The following CHERP variants were observed in gnomAD, a reference collection of about 807,000 sequenced individuals.
CHERP encodes the protein ERPROT 213-21.
Under a neutral mutation model 113.8 loss-of-function variants are expected in CHERP, and 8 were observed. The observed-to-expected ratio is 0.07, with a 90% CI of 0.04 to 0.13. The LOEUF (loss-of-function observed/expected upper bound fraction) is 0.13, where lower values mean the gene tolerates loss of function less well. Ranked by LOEUF, CHERP falls within the 10% of genes least tolerant of loss-of-function variation. CHERP has a pLI of 1.00. For missense variants in CHERP, 884 were observed against 1,298.2 expected, an observed-to-expected ratio of 0.68 and a Z score of 4.90; for synonymous variants, 559 against 524.5, an observed-to-expected ratio of 1.07 and a Z score of -0.90.
chr19:16,541,079 G>A (rs914249279), intron 2 of CHERP: 2 of 151,970 alleles, frequency 1.3e-5, no homozygotes, highest in African/African-American at 2.4e-5. Flanking sequence ...CAAGACGAGC[G>A]TGTAGTCCCC....
Position 16,525,282 on chromosome 19 carries a change from A to G in CHERP, c.1701T>C (p.Tyr567=). 1 of 1,444,840 alleles carries G rather than the reference A, an allele frequency of 6.9e-7. No individual in the cohort carries two copies. Among genetic ancestry groups the G allele is most frequent in the Non-Finnish European group, 9.1e-7 (1 of 1,097,148 alleles). The allele number at this position is 1,444,840 out of a possible 1,614,324, so 89.5% of individuals were successfully genotyped here. ...PPRHPFERPP[Y]PHRFDYPQGD... ...CCTGGGGGTAGTCGAAGCGGTGGGG[A>G]TAGGGCGGCCGCTCGAAGGGGTGCC... is the stretch of plus-strand genomic sequence containing the variant. Residue 567 remains tyrosine, a synonymous_variant, in exon 10 of 17, where the codon TAT becomes TAC. Coordinates refer to ENST00000546361, the MANE Select transcript of CHERP (RefSeq NM_006387.6). The surrounding 1 kb of genome is among the most constrained non-coding windows in gnomAD (Gnocchi z 6.5).
chr19:16,521,752 C>T (rs2085617556), intron 11 of CHERP, 98 bp from the exon 12 acceptor site: 1 of 1,213,174 alleles, frequency 8.2e-7, no homozygotes, highest in Admixed American at 3.3e-5. Flanking sequence ...GGCCCAGGTT[C>T]AGTGTCAAGG....
Position 16,525,211 on chromosome 19 carries a change from C to T in CHERP, c.1741+31G>A. Reference sequence around the variant, plus strand: ...GGCAGGCGAGCCGTGGATGCCTCCGCCAGGCCCTACCCAGGCGCCCGTACA... The same window carrying T: ...GGCAGGCGAGCCGTGGATGCCTCCGTCAGGCCCTACCCAGGCGCCCGTACA... On this transcript the variant is annotated intron_variant, in intron 10 of 16. Transcript: ENST00000546361. This position sits in a 1 kb window ranked among gnomAD's most constrained non-coding sequence, Gnocchi z 6.5. 7.1e-7 allele frequency: 1 copy of T among 1,402,158 alleles called. No homozygotes were observed. The highest frequency in any genetic ancestry group is 1.5e-5 in the African/African-American group (1 of 65,900). The allele number at this position is 1,402,158 out of a possible 1,614,324, so 86.9% of individuals were successfully genotyped here. A position where few individuals can be genotyped will look rare whatever the true frequency, so the allele number is the denominator to read the frequency against.
Position 16,530,651 on chromosome 19 carries a change from G to A in CHERP, c.810C>T (p.Asn270=), listed in dbSNP as rs750490613. 126 of 1,613,968 alleles carry A rather than the reference G, an allele frequency of 7.8e-5. No homozygotes were observed. The highest frequency in any genetic ancestry group is 1.3e-4 in the East Asian group (6 of 44,894). The stretch of plus-strand genomic sequence containing the variant: ...GAATGATGGAGTCATCGAAGTAGCC[G>A]TTTTTCTCCCAGAGCTGCAGGAGCT... The part of the protein sequence containing the change: ...IARLLQLWEK[N]GYFDDSIIQQ... Residue 270 remains asparagine (N), a synonymous_variant, in exon 7 of 17, where the codon AAC becomes AAT. Transcript: ENST00000546361. This position sits in a 1 kb window ranked among gnomAD's most constrained non-coding sequence, Gnocchi z 4.1.
chr19:16,538,513 T>A (rs979114017), intron 2 of CHERP, among the ~76,000 whole-genome samples: 3 of 152,144 alleles, frequency 2.0e-5, no homozygotes, highest in Non-Finnish European at 4.4e-5. Flanking sequence ...TGAAACCACA[T>A]CTCTACTAAA....
At position 16,530,700 on chromosome 19, in the gene CHERP, G is replaced by A. The variant is rs573012565; in HGVS notation, c.787-26C>T. 5.5e-5 allele frequency: 89 copies of A among 1,613,942 alleles called. No homozygotes were observed. The South Asian group carries it at 7.1e-4, about 13-fold the overall frequency. ...CTGGCGGTGGGAGGAGAGAGAGGCC[G>A]GGTCAGTGGGGAGGGGAAAGGCCTG... On this transcript the variant is annotated intron_variant, in intron 6 of 16. Coordinates refer to ENST00000546361, the MANE Select transcript of CHERP (RefSeq NM_006387.6). This position sits in a 1 kb window ranked among gnomAD's most constrained non-coding sequence, Gnocchi z 4.1.
chr19:16,539,117 C>CTTG (rs1367423099), intron 2 of CHERP, among the ~76,000 whole-genome samples: 1 of 150,508 alleles, frequency 6.6e-6, no homozygotes, highest in Non-Finnish European at 1.5e-5. Context: ...GTTTAAAACT[C>CTTG]TTGTGGCTTC....
chr19:16,529,959 G>C, intron 7 of CHERP, 59 bp from the exon 8 acceptor site: 1 of 1,556,942 alleles, frequency 6.4e-7, no homozygotes, highest in Non-Finnish European at 8.7e-7. Context: ...GCTGCCTGGC[G>C]CCAGAGGACA....
chr19:16,523,025 A>G lies in CHERP; in HGVS notation c.1980+27T>C. Reference sequence around the variant, plus strand: ...GGGGACCAGTATGGTAAGCGTGCTCAGCTTGGAGCCCACTGTGGGGCATTA... The same window carrying G: ...GGGGACCAGTATGGTAAGCGTGCTCGGCTTGGAGCCCACTGTGGGGCATTA... On this transcript the variant is annotated intron_variant, in intron 11 of 16. Transcript: ENST00000546361. This position sits in a 1 kb window ranked among gnomAD's most constrained non-coding sequence, Gnocchi z 4.0. The G allele has an allele frequency of 6.7e-7, 1 of 1,492,470 alleles. No homozygotes were observed. The highest frequency in any genetic ancestry group is 1.4e-5 in the South Asian group (1 of 73,670). The allele number at this position is 1,492,470 out of a possible 1,614,324, so 92.5% of individuals were successfully genotyped here.
chr19:16,518,718 G>A lies in CHERP; in HGVS notation c.*441C>T, dbSNP rs879649905. ...GCCGAGGGGAAGCCAGGTCAGGGCC[G>A]GTGGGTGCGGGGAGCTGGAGGAAGG... On this transcript the variant is annotated 3_prime_UTR_variant, in exon 17 of 17. Transcript: ENST00000546361. The A allele has an allele frequency of 6.2e-5, 11 of 178,590 alleles. No homozygotes were observed. The highest frequency in any genetic ancestry group is 2.5e-4 in the South Asian group (2 of 7,850). 11.1% of individuals were successfully genotyped at this position (178,590 alleles called of 1,614,324 possible). A position where few individuals can be genotyped will look rare whatever the true frequency, so the allele number is the denominator to read the frequency against.
rs528514842 is a variant in CHERP at position 16,540,447 on chromosome 19, A to G, written c.199+1423T>C. 2.7e-5 allele frequency among the ~76,000 whole-genome samples: 4 copies of G among 148,334 alleles called. No homozygotes were observed. In the East Asian group the frequency reaches 7.9e-4, roughly 29 times the overall value. ...GAGCGCAATGGTGTGGTCTCGGCTC[A>G]ATGCAACCTCCAGCTCCCAGGTTCA... is the stretch of plus-strand genomic sequence containing the variant. On this transcript the variant is annotated intron_variant, in intron 2 of 16. Transcript: ENST00000546361.
In CHERP at chr19:16,519,945, G is replaced by T; in HGVS notation, c.2462+204C>A. On this transcript the variant is annotated intron_variant, in intron 15 of 16. Transcript: ENST00000546361. The surrounding 1 kb of genome is among the most constrained non-coding windows in gnomAD (Gnocchi z 6.0). ...TTGAGAGCAGGACACCTCCAACCCA[G>T]ATGGTGGTTAGAAAGCAGACCCCAG... 1.5e-6 allele frequency: 1 copy of T among 668,304 alleles called. No individual in the cohort carries two copies. The highest frequency in any genetic ancestry group is 2.6e-6 in the Non-Finnish European group (1 of 390,870). The allele number at this position is 668,304 out of a possible 1,614,324, so 41.4% of individuals were successfully genotyped here.
rs779210252 is a variant in CHERP, at chr19:16,529,695, G to A, written c.1082C>T (p.Pro361Leu). ...VKATPPPPAP[P>L]PAPAPAPAIP... is the part of the protein sequence containing the mutation. ...GGCAGGGGCAGGTGCTGGGGCCGGG[G>A]GTGGAGCAGGCGGTGGAGGCGTGGC... is the stretch of plus-strand genomic sequence containing the variant. Residue 361 changes from proline (P) to leucine (L), a missense_variant, in exon 8 of 17, where the codon CCC becomes CTC. Physicochemically the swap from Pro to Leu is moderately conservative, Grantham distance 98. Around this residue, in one of 8 missense-constraint regions of CHERP, gnomAD observed 464 missense variants for 590.1 expected, o/e 0.79. Transcript: ENST00000546361. 2 of 1,579,952 alleles carry A rather than the reference G, an allele frequency of 1.3e-6. No homozygotes were observed. Among genetic ancestry groups the A allele is most frequent in the Non-Finnish European group, 1.7e-6 (2 of 1,167,802 alleles).
intron 3 of CHERP, among the ~76,000 whole-genome samples, chr19:16,534,187 A>T (rs1348805025): frequency 6.6e-6 from 1 of 151,586 alleles, no homozygotes; most frequent in Non-Finnish European, 1.5e-5. Flanking sequence ...CGTAGCTGGG[A>T]CTACAGACAC....
Position 16,518,567 on chromosome 19 carries a change from G to A in CHERP, c.*592C>T, listed in dbSNP as rs2085571115. On this transcript the variant is annotated 3_prime_UTR_variant, in exon 17 of 17. Transcript: ENST00000546361. Reference sequence around the variant, plus strand: ...TCTCAGGTCAGTATTCTTCTTTCTAGACCTAAACCAAGGAGAGTAAAAATG... The same window carrying A: ...TCTCAGGTCAGTATTCTTCTTTCTAAACCTAAACCAAGGAGAGTAAAAATG... 1 of 152,874 alleles carries A rather than the reference G, an allele frequency of 6.5e-6. No homozygotes were observed. The highest frequency in any genetic ancestry group is 2.4e-5 in the African/African-American group (1 of 41,436). The allele number at this position is 152,874 out of a possible 1,614,324, so 9.5% of individuals were successfully genotyped here. A position where few individuals can be genotyped will look rare whatever the true frequency, so the allele number is the denominator to read the frequency against.
Position 16,520,270 on chromosome 19 carries a change from AGG to A in CHERP, c.2346-7_2346-6del. On this transcript the variant is annotated splice_polypyrimidine_tract_variant and splice_region_variant and intron_variant, in intron 14 of 16. Coordinates refer to ENST00000546361, the MANE Select transcript of CHERP (RefSeq NM_006387.6). The surrounding 1 kb of genome is among the most constrained non-coding windows in gnomAD (Gnocchi z 4.0). ...GAGCGCGACCTGCTCCGACTTCTGCAGGGAAGGGTGCCCAAGGGTCAGCAGCA... is the reference window on the plus strand; with the variant it reads ...GAGCGCGACCTGCTCCGACTTCTGCAGAAGGGTGCCCAAGGGTCAGCAGCA... The A allele has an allele frequency of 2.5e-6, 4 of 1,613,426 alleles. No homozygotes were observed. The highest frequency in any genetic ancestry group is 3.4e-6 in the Non-Finnish European group (4 of 1,179,958).
chr19:16,532,769 G>C lies in CHERP; in HGVS notation c.523-20C>G. 6.3e-7 allele frequency: 1 copy of C among 1,599,286 alleles called. No individual in the cohort carries two copies. The highest frequency in any genetic ancestry group is 8.6e-7 in the Non-Finnish European group (1 of 1,169,558). ...CCCGGCCTGCAACAACCGAGCCAAT[G>C]ACGAGTGAGCAGGGCCGCGGCTCCC... On this transcript the variant is annotated intron_variant, in intron 4 of 16. Transcript: ENST00000546361. This position sits in a 1 kb window ranked among gnomAD's most constrained non-coding sequence, Gnocchi z 4.4.
chr19:16,534,480 T>TTTTTCTGAG (rs1216103590), intron 3 of CHERP, among the ~76,000 whole-genome samples: 1 of 152,060 alleles, frequency 6.6e-6, no homozygotes, highest in East Asian at 1.9e-4. Context: ...AGTATTTTAT[T>TTTTTCTGAG]TATTTATTTT....
chr19:16,535,426 T>C lies in CHERP; in HGVS notation c.384+26A>G. 6.3e-7 allele frequency: 1 copy of C among 1,599,818 alleles called. No individual in the cohort carries two copies. Among genetic ancestry groups the C allele is most frequent in the Non-Finnish European group, 8.5e-7 (1 of 1,173,918 alleles). ...GAGGCACAGGGGAGCTGCTGGTGTCTGGCCGAGGAGGCGGCGGGCCCATAC... is the reference window on the plus strand; with the variant it reads ...GAGGCACAGGGGAGCTGCTGGTGTCCGGCCGAGGAGGCGGCGGGCCCATAC... On this transcript the variant is annotated intron_variant, in intron 3 of 16. Coordinates refer to ENST00000546361, the MANE Select transcript of CHERP (RefSeq NM_006387.6). The surrounding 1 kb of genome is among the most constrained non-coding windows in gnomAD (Gnocchi z 4.3).
Sources: gnomAD v4.1 joint callset for allele counts (sites outside exome capture counted in the v4.1 genomes callset) on GRCh38, gnomAD v4.1.1 for gene constraint, gnomAD v4.1.1 regional missense constraint, Gnocchi (gnomAD v3.1) non-coding constraint, MANE v1.5 for transcripts, NCBI Gene and HGNC (gene_info 2026-07-23, HGNC 2026-07-21) for gene names.